Variants in SHLD1 observed in about 807,000 individuals in gnomAD.
SHLD1 encodes the protein RINN1-REV7-interacting novel NHEJ regulator 3.
Under a neutral mutation model 5.5 loss-of-function variants are expected in SHLD1, and 3 were observed. That is an observed-to-expected ratio of 0.54 (90% CI 0.25 to 1.40). SHLD1 has a LOEUF of 1.40. Ranked by LOEUF, SHLD1 falls within the 40% of genes most tolerant of loss-of-function variation. SHLD1 has a pLI of 0.15. For synonymous variants in SHLD1, 92 were observed against 94.3 expected, an observed-to-expected ratio of 0.98 and a Z score of 0.14; for missense variants, 210 against 244.4, an observed-to-expected ratio of 0.86 and a Z score of 0.94.
intron 2 of SHLD1, among the ~76,000 whole-genome samples, chr20:5,804,393 T>TAA (rs35334478): frequency 2.2e-4 from 33 of 148,622 alleles, no homozygotes; most frequent in Middle Eastern, 3.5e-3. Context: ...TAGTATAGTG[T>TAA]AAAAAAAAAC....
At chr20:5,833,338 A>G (rs1413546405) in intron 2 of SHLD1, among the ~76,000 whole-genome samples, 2 of 152,216 alleles carry the variant, frequency 1.3e-5, no homozygotes, top group Non-Finnish European at 2.9e-5. Context: ...TTTGGTGTAC[A>G]GATTATTTCG....
At chr20:5,795,601 CAAAAAAA>C (rs56723415) in intron 2 of SHLD1, among the ~76,000 whole-genome samples, 3 of 67,090 alleles carry the variant, frequency 4.5e-5, no homozygotes, top group South Asian at 5.2e-4. Context: ...TCTGGTCTCG[CAAAAAAA>C]AAAAAAAAAA....
intron 1 of SHLD1, among the ~76,000 whole-genome samples, chr20:5,755,756 T>A (rs917070234): frequency 8.6e-5 from 13 of 151,932 alleles, no homozygotes; most frequent in African/African-American, 3.1e-4. Flanking sequence ...ACGGGGTTTC[T>A]CCATGTTGGT....
intron 2 of SHLD1, among the ~76,000 whole-genome samples, chr20:5,779,485 G>A (rs111373546): frequency 0.018 from 2,738 of 152,238 alleles, 41 homozygotes; most frequent in Non-Finnish European, 0.03. Context: ...GGCTCTTGCC[G>A]ACATTTTAAT....
At chr20:5,831,318 G>T (rs1285620614) in intron 2 of SHLD1, among the ~76,000 whole-genome samples, 1 of 152,152 alleles carries the variant, frequency 6.6e-6, no homozygotes, top group African/African-American at 2.4e-5. Flanking sequence ...GGTCAACTCA[G>T]GTTTCTTGGC....
At chr20:5,850,435 C>T (rs575320036) in intron 2 of SHLD1, among the ~76,000 whole-genome samples, 2 of 152,122 alleles carry the variant, frequency 1.3e-5, no homozygotes, top group East Asian at 3.9e-4. Flanking sequence ...CTTCCCCTCC[C>T]TGAAGTAACT....
chr20:5,824,238 G>A (rs2087640677), intron 2 of SHLD1, among the ~76,000 whole-genome samples: 1 of 152,176 alleles, frequency 6.6e-6, no homozygotes, highest in African/African-American at 2.4e-5. Context: ...AGTCTGGAAT[G>A]TTCTTCCACT....
intron 2 of SHLD1, among the ~76,000 whole-genome samples, chr20:5,776,798 A>G (rs891375800): frequency 1.2e-4 from 18 of 152,020 alleles, no homozygotes; most frequent in African/African-American, 4.3e-4. Context: ...TAAGCATAAA[A>G]AAAAAGCATT....
chr20:5,844,133 G>A (rs1193050199), intron 2 of SHLD1, among the ~76,000 whole-genome samples: 1 of 152,206 alleles, frequency 6.6e-6, no homozygotes, highest in Non-Finnish European at 1.5e-5. Flanking sequence ...CATGGGTGTT[G>A]AGAGTGATCT....
intron 2 of SHLD1, among the ~76,000 whole-genome samples, chr20:5,817,430 CTCTGTGTGTGTGTGTGTG>C (rs2087548350): frequency 1.0e-5 from 1 of 99,514 alleles, no homozygotes; most frequent in African/African-American, 4.7e-5. Flanking sequence ...CTCTCTCTCT[CTCTGTGTGTGTGTGTGTG>C]TGTGTGTGTG....
Position 5,773,056 on chromosome 20 carries a change from G to A in SHLD1, c.178+13G>A. On this transcript the variant is annotated intron_variant, in intron 2 of 2. Transcript: ENST00000303142. ...GATGTGGATCCAGGTAATAAGCAGA[G>A]TTTAAAACAAACTAACTTAAAAACA... is the stretch of plus-strand genomic sequence containing the variant. The A allele has an allele frequency of 1.9e-6, 3 of 1,614,070 alleles. No individual in the cohort carries two copies. Among genetic ancestry groups the A allele is most frequent in the East Asian group, 2.2e-5 (1 of 44,882 alleles).
chr20:5,799,492 T>C (rs112317437), intron 2 of SHLD1, among the ~76,000 whole-genome samples: 2 of 66,314 alleles, frequency 3.0e-5, no homozygotes, highest in Non-Finnish European at 6.1e-5. Context: ...TTTTTTTTTT[T>C]TGGAGAGACA....
At chr20:5,808,516 A>G (rs1305877097) in intron 2 of SHLD1, among the ~76,000 whole-genome samples, 1 of 152,212 alleles carries the variant, frequency 6.6e-6, no homozygotes, top group African/African-American at 2.4e-5. Context: ...ACTTATTGCT[A>G]TAATAAGGCA....
intron 1 of SHLD1, among the ~76,000 whole-genome samples, chr20:5,755,602 C>T (rs1283571340): frequency 6.6e-6 from 1 of 151,940 alleles, no homozygotes; most frequent in South Asian, 2.1e-4. Flanking sequence ...TCTTGTTGCC[C>T]AGGCTGGAGT....
chr20:5,845,619 G>C (rs2087923943), intron 2 of SHLD1, among the ~76,000 whole-genome samples: 1 of 152,228 alleles, frequency 6.6e-6, no homozygotes, highest in Non-Finnish European at 1.5e-5. Flanking sequence ...TTGAGAACCA[G>C]CATGTGTAAC....
intron 2 of SHLD1, among the ~76,000 whole-genome samples, chr20:5,801,736 CAG>C (rs1194119723): frequency 1.3e-5 from 2 of 152,136 alleles, no homozygotes; most frequent in African/African-American, 4.8e-5. Flanking sequence ...GTACAAAAGA[CAG>C]AGTAATTTAT....
rs1312555962 is a variant in SHLD1, at chr20:5,789,279, C to T, written c.178+16236C>T. Among the ~76,000 whole-genome samples the T allele has an allele frequency of 2.8e-5, 4 of 145,452 alleles. No individual in the cohort carries two copies. In the South Asian group the frequency reaches 8.7e-4, roughly 32 times the overall value. Reference sequence around the variant, plus strand: ...TTACTTTTTTGATGAAATTATAGTACCATTAAAGGGTAATTGGCCAGGTGC... The same window carrying T: ...TTACTTTTTTGATGAAATTATAGTATCATTAAAGGGTAATTGGCCAGGTGC... On this transcript the variant is annotated intron_variant, in intron 2 of 2. Transcript: ENST00000303142.
chr20:5,847,952 G>C (rs1012007882), intron 2 of SHLD1, among the ~76,000 whole-genome samples: 1 of 152,094 alleles, frequency 6.6e-6, no homozygotes, highest in Non-Finnish European at 1.5e-5. Flanking sequence ...GGTTCACTGA[G>C]GCCTTATTTG....
intron 2 of SHLD1, among the ~76,000 whole-genome samples, chr20:5,822,121 G>A (rs911952255): frequency 2.0e-5 from 3 of 152,126 alleles, no homozygotes; most frequent in African/African-American, 7.2e-5. Context: ...AACATTTACT[G>A]CTTCAGTTGT....
Sources: allele counts gnomAD v4.1 joint callset (sites outside exome capture counted in the v4.1 genomes callset), GRCh38; gene constraint gnomAD v4.1.1; transcripts MANE v1.5; gene names NCBI Gene and HGNC (gene_info 2026-07-23, HGNC 2026-07-21).